Variants in SDR42E2 observed in about 807,000 individuals in gnomAD.
The protein encoded by SDR42E2 is putative short-chain dehydrogenase/reductase family 42E member 2.
SDR42E2 carries 20 observed loss-of-function variants against 10.5 expected under a neutral mutation model. The ratio of observed to expected loss-of-function variants is 1.90; its 90% CI spans 1.34 to 2.77. The LOEUF (loss-of-function observed/expected upper bound fraction) is 2.77, where lower values mean the gene tolerates loss of function less well. Ranked by LOEUF, SDR42E2 falls within the 30% of genes most tolerant of loss-of-function variation. The pLI is 0.00. For missense variants in SDR42E2, 162 were observed against 104.2 expected (o/e 1.55, Z -2.42); for synonymous variants, 72 against 39.2 (o/e 1.84, Z -3.12).
At chr16:22,183,642 T>C (rs2046714123) in intron 10 of SDR42E2, among the ~76,000 whole-genome samples, 1 of 152,150 alleles carries the variant, frequency 6.6e-6, no homozygotes, top group Non-Finnish European at 1.5e-5. Context: ...CAGTGAAGAG[T>C]TCACCTTATC....
chr16:22,167,737 A>C (rs773137039), intron 4 of SDR42E2, among the ~76,000 whole-genome samples: 1 of 152,206 alleles, frequency 6.6e-6, no homozygotes, highest in Non-Finnish European at 1.5e-5. Flanking sequence ...TATTTAAATA[A>C]ATTGTGTTTT....
intron 1 of SDR42E2, among the ~76,000 whole-genome samples, chr16:22,163,136 C>T (rs963516314): frequency 6.6e-6 from 1 of 152,264 alleles, no homozygotes; most frequent in African/African-American, 2.4e-5. Flanking sequence ...ATATTTGGGT[C>T]CATTCGCGGT....
rs1184861453 is a variant in SDR42E2 at position 22,191,480 on chromosome 16, CTGTCT to C, written c.*1088_*1092del. On this transcript the variant is annotated 3_prime_UTR_variant, in exon 13 of 13. Coordinates refer to ENST00000602312, the MANE Select transcript of SDR42E2 (RefSeq NM_001394319.2). ...TGAGTTTGCGCCGTCGGCTGCTGCT[CTGTCT>C]GGTAACATTGCATTCGATCCACCCC... The C allele has an allele frequency of 6.6e-6, 1 of 152,272 alleles. No individual in the cohort carries two copies. Among genetic ancestry groups the C allele is most frequent in the African/African-American group, 2.4e-5 (1 of 41,410 alleles). The allele number at this position is 152,272 out of a possible 1,614,324, so 9.4% of individuals were successfully genotyped here.
chr16:22,184,999 T>G (rs966266183), intron 11 of SDR42E2, among the ~76,000 whole-genome samples: 4 of 152,146 alleles, frequency 2.6e-5, no homozygotes, highest in Non-Finnish European at 2.9e-5. Context: ...GGGGCTGTTC[T>G]GTCCCCCAAG....
In SDR42E2 at chr16:22,173,254, C is replaced by T. The variant is rs114071068; in HGVS notation, c.589+923C>T. Among the ~76,000 whole-genome samples the T allele has an allele frequency of 7.3e-3, 1,105 of 152,048 alleles. 15 individuals carry two copies. Among genetic ancestry groups the T allele is most frequent in the African/African-American group, 0.024 (989 of 41,462 alleles). The stretch of plus-strand genomic sequence containing the variant: ...TTTTTCTTTGAGAAGGAGTATTGCT[C>T]TGTCACCCAGGCTGCAGTGAAATGG... On this transcript the variant is annotated intron_variant, in intron 7 of 12. Coordinates refer to ENST00000602312, the MANE Select transcript of SDR42E2 (RefSeq NM_001394319.2).
intron 1 of SDR42E2, among the ~76,000 whole-genome samples, 164 bp from the exon 2 acceptor site, chr16:22,165,383 G>A (rs573557799): frequency 1.4e-4 from 21 of 152,062 alleles, no homozygotes; most frequent in South Asian, 1.0e-3. Context: ...CCACCACGCC[G>A]GGCCCACACT....
chr16:22,165,753 G>T, intron 2 of SDR42E2, 116 bp downstream of exon 2: 1 of 401,648 alleles, frequency 2.5e-6, no homozygotes, highest in Non-Finnish European at 4.4e-6. Context: ...GGCCTGGACT[G>T]GGGCCCAAAG....
chr16:22,178,165 C>G lies in SDR42E2; in HGVS notation c.625C>G (p.Pro209Ala), dbSNP rs185968573. 25 of 702,910 alleles carry G rather than the reference C, an allele frequency of 3.6e-5. No individual in the cohort carries two copies. In the East Asian group the frequency reaches 6.7e-4, roughly 19 times the overall value. The allele number at this position is 702,910 out of a possible 1,614,324, so 43.5% of individuals were successfully genotyped here. A position where few individuals can be genotyped will look rare whatever the true frequency, so the allele number is the denominator to read the frequency against. ...GTLRTCVLRP[P>A]GIYGPEEQRH... ...TCTTCGGACGTGTGTGCTCCGGCCT[C>G]CAGGGATCTACGGCCCTGAAGAGCA... Residue 209 changes from proline (P) to alanine (A), a missense_variant, in exon 8 of 13, where the codon CCA becomes GCA. By Grantham distance (27) the Pro-to-Ala change is conservative. Transcript: ENST00000602312.
At chr16:22,178,703 T>C (rs2046666895) in intron 8 of SDR42E2, among the ~76,000 whole-genome samples, 1 of 151,992 alleles carries the variant, frequency 6.6e-6, no homozygotes, top group Non-Finnish European at 1.5e-5. Flanking sequence ...CACAAGAAGA[T>C]GGGCCTGGCA....
intron 12 of SDR42E2, among the ~76,000 whole-genome samples, chr16:22,187,512 G>A (rs548322016): frequency 4.6e-5 from 7 of 151,742 alleles, no homozygotes; most frequent in South Asian, 2.1e-4. Flanking sequence ...AGCTCAGGTG[G>A]GGGATTACTT....
chr16:22,173,340 C>T (rs1318123774), intron 7 of SDR42E2, among the ~76,000 whole-genome samples: 1 of 152,140 alleles, frequency 6.6e-6, no homozygotes, highest in East Asian at 1.9e-4. Flanking sequence ...CTGCCTCGGC[C>T]TCCCGAATAG....
At chr16:22,184,699 A>T (rs1225651022) in intron 11 of SDR42E2, among the ~76,000 whole-genome samples, 1 of 152,204 alleles carries the variant, frequency 6.6e-6, no homozygotes, top group Admixed American at 6.5e-5. Flanking sequence ...GAGGCCACGC[A>T]GCAGCTCCAA....
chr16:22,186,880 C>A, intron 12 of SDR42E2, 86 bp downstream of exon 12: 1 of 399,258 alleles, frequency 2.5e-6, no homozygotes, highest in South Asian at 1.3e-4. Context: ...TGCTGCCACT[C>A]CTTACCCCTT....
At chr16:22,163,745 C>T (rs542417143) in intron 1 of SDR42E2, among the ~76,000 whole-genome samples, 3 of 151,924 alleles carry the variant, frequency 2.0e-5, no homozygotes, top group Non-Finnish European at 2.9e-5. Context: ...CGTGCTTATA[C>T]GGGGCAGGAC....
chr16:22,182,186 C>T (rs936566368), intron 9 of SDR42E2, 26 bp from the exon 10 acceptor site: 15 of 405,358 alleles, frequency 3.7e-5, no homozygotes, highest in African/African-American at 1.0e-4. Flanking sequence ...GAAGGCTGAC[C>T]GTCCCCTCCC....
intron 4 of SDR42E2, among the ~76,000 whole-genome samples, chr16:22,168,935 T>G (rs1009272030): frequency 6.6e-6 from 1 of 152,066 alleles, no homozygotes; most frequent in African/African-American, 2.4e-5. Context: ...CCTGGTGTGA[T>G]GAGAATTAAA....
At chr16:22,175,218 G>GGC (rs2046634532) in intron 7 of SDR42E2, among the ~76,000 whole-genome samples, 1 of 152,132 alleles carries the variant, frequency 6.6e-6, no homozygotes, top group East Asian at 1.9e-4. Flanking sequence ...CCAGCACTTT[G>GGC]TGAGGCCAAG....
chr16:22,169,612 G>T (rs1193632326), intron 5 of SDR42E2, 110 bp downstream of exon 5: 3 of 695,394 alleles, frequency 4.3e-6, no homozygotes, highest in Admixed American at 2.0e-5. Flanking sequence ...CCTGTGGGCA[G>T]CGCATCCTTC....
chr16:22,167,165 A>ATTTTTGTTTTT (rs1567237172), intron 4 of SDR42E2, among the ~76,000 whole-genome samples, 166 bp downstream of exon 4: 1 of 37,722 alleles, frequency 2.7e-5, no homozygotes, highest in Non-Finnish European at 4.3e-5. Flanking sequence ...CAGTTCTGCC[A>ATTTTTGTTTTT]TTTTTTTTTT....
Sources: gnomAD v4.1 joint callset for allele counts (sites outside exome capture counted in the v4.1 genomes callset) on GRCh38, gnomAD v4.1.1 for gene constraint, MANE v1.5 for transcripts, NCBI Gene and HGNC (gene_info 2026-07-23, HGNC 2026-07-21) for gene names.